USP7: variants seen among roughly 807,000 people sequenced by gnomAD.
The protein encoded by USP7 is ubiquitin specific peptidase 7, also known as ubiquitin C-terminal hydrolase 7.
USP7 carries 9 observed loss-of-function variants against 162.9 expected under a neutral mutation model. That is an observed-to-expected ratio of 0.06 (90% CI 0.03 to 0.10). USP7 has a LOEUF of 0.10. Among genes scored for constraint, USP7 ranks in the 10% least tolerant of loss-of-function variants. The probability of loss-of-function intolerance (pLI) is 1.00; values close to 1 mark genes in which losing one functional copy is unlikely to be tolerated. For synonymous variants in USP7, 562 were observed against 475.9 expected (o/e 1.18, Z -2.35); for missense variants, 715 against 1,373.7 (o/e 0.52, Z 7.58).
At chr16:8,919,165 G>A in intron 5 of USP7, 26 bp from the exon 6 acceptor site, 1 of 1,609,046 alleles carries the variant, frequency 6.2e-7, no homozygotes, top group East Asian at 2.2e-5. Flanking sequence ...AAGGTTGAGG[G>A]GATCTTGCAG....
chr16:8,911,799 C>G (rs963596395), intron 10 of USP7, among the ~76,000 whole-genome samples: 1 of 152,200 alleles, frequency 6.6e-6, no homozygotes, highest in Non-Finnish European at 1.5e-5. Context: ...TCAGTGAGAA[C>G]TGATCAGTGA....
At chr16:8,948,603 C>G (rs192735234) in intron 1 of USP7, among the ~76,000 whole-genome samples, 1 of 152,332 alleles carries the variant, frequency 6.6e-6, no homozygotes, top group Non-Finnish European at 1.5e-5. Context: ...ACCTGCACAT[C>G]TCTTTGCTAA....
At chr16:8,915,149 C>A (rs964877725) in intron 10 of USP7, 105 bp downstream of exon 10, 2 of 1,076,922 alleles carry the variant, frequency 1.9e-6, no homozygotes, top group Non-Finnish European at 2.6e-6. Context: ...CTGAGCCATT[C>A]TCTGTGTTTA....
intron 1 of USP7, among the ~76,000 whole-genome samples, chr16:8,955,491 G>C (rs1406306597): frequency 6.6e-6 from 1 of 152,144 alleles, no homozygotes; most frequent in Non-Finnish European, 1.5e-5. Context: ...GGGAGGCCGA[G>C]TGAGGCAGCT....
At chr16:8,904,319 C>A in intron 15 of USP7, 116 bp downstream of exon 15, 1 of 1,518,140 alleles carries the variant, frequency 6.6e-7, no homozygotes. Context: ...GAGATGGATG[C>A]CCTGCTGCAT....
chr16:8,952,092 A>G (rs565204493), intron 1 of USP7, among the ~76,000 whole-genome samples: 9 of 152,212 alleles, frequency 5.9e-5, no homozygotes, highest in Admixed American at 5.9e-4. Context: ...CCGTCTATAC[A>G]AAAAAGAAAA....
intron 1 of USP7, among the ~76,000 whole-genome samples, chr16:8,950,211 CCA>C (rs1171136158): frequency 1.3e-5 from 2 of 152,058 alleles, no homozygotes; most frequent in African/African-American, 4.8e-5. Context: ...CTAGTGGCTG[CCA>C]CAGTGGACAG....
chr16:8,920,494 T>A, intron 4 of USP7, 47 bp from the exon 5 acceptor site: 1 of 1,483,804 alleles, frequency 6.7e-7, no homozygotes, highest in Non-Finnish European at 9.2e-7. Flanking sequence ...GAACACACAT[T>A]TTATTCCCAA....
intron 6 of USP7, among the ~76,000 whole-genome samples, chr16:8,918,172 C>T (rs889735480): frequency 3.3e-5 from 5 of 152,160 alleles, no homozygotes; most frequent in South Asian, 2.1e-4. Context: ...ATTACCCATG[C>T]TGAGCTGTCC....
chr16:8,918,946 A>G, intron 6 of USP7, 85 bp downstream of exon 6: 1 of 1,351,746 alleles, frequency 7.4e-7, no homozygotes, highest in Non-Finnish European at 1.1e-6. Flanking sequence ...GGGAGACGCC[A>G]TGTTTGTTGA....
chr16:8,944,119 C>T (rs908975661), intron 1 of USP7, among the ~76,000 whole-genome samples: 10 of 152,092 alleles, frequency 6.6e-5, no homozygotes, highest in Non-Finnish European at 1.0e-4. Flanking sequence ...ATGGTAGTTC[C>T]CTCTGAGGAA....
intron 1 of USP7, chr16:8,936,709 C>T (rs1420456920): frequency 7.0e-7 from 1 of 1,430,766 alleles, no homozygotes; most frequent in East Asian, 2.7e-5. Flanking sequence ...AGCTCTACCT[C>T]AGCATTCTTT....
chr16:8,896,474 G>A (rs548299413), intron 26 of USP7, among the ~76,000 whole-genome samples: 15 of 152,222 alleles, frequency 9.9e-5, no homozygotes, highest in African/African-American at 3.4e-4. Context: ...TCCTCCAAGC[G>A]ACTACAGGGC....
intron 1 of USP7, among the ~76,000 whole-genome samples, chr16:8,958,471 T>C (rs1314337191): frequency 6.6e-6 from 1 of 152,194 alleles, no homozygotes; most frequent in East Asian, 1.9e-4. Context: ...GGCAGCAGCT[T>C]TCATAAAGTG....
chr16:8,916,629 T>G (rs1340617835), intron 7 of USP7, 73 bp from the exon 8 acceptor site: 2 of 1,433,360 alleles, frequency 1.4e-6, no homozygotes, highest in Non-Finnish European at 1.9e-6. Context: ...TAACTTAGAT[T>G]GAAAACCTAA....
intron 20 of USP7, 47 bp downstream of exon 20, chr16:8,900,943 C>G (rs2061764624): frequency 6.3e-7 from 1 of 1,590,306 alleles, no homozygotes; most frequent in Admixed American, 1.8e-5. Flanking sequence ...AAACCCTCCA[C>G]AAACTACTAA....
At chr16:8,956,776 C>A (rs909500736) in intron 1 of USP7, among the ~76,000 whole-genome samples, 59 of 147,716 alleles carry the variant, frequency 4.0e-4, no homozygotes, top group African/African-American at 1.2e-3. Flanking sequence ...AAAACAAAAA[C>A]AAAAAAAAAA....
intron 2 of USP7, among the ~76,000 whole-genome samples, chr16:8,928,982 A>C (rs1791592055): frequency 6.6e-6 from 1 of 151,616 alleles, no homozygotes; most frequent in African/African-American, 2.4e-5. Context: ...GAATTATCCA[A>C]GTTGCCATGA....
chr16:8,921,368 C>T (rs914001729), intron 3 of USP7, 73 bp from the exon 4 acceptor site: 3 of 1,517,712 alleles, frequency 2.0e-6, no homozygotes, highest in Admixed American at 3.9e-5. Flanking sequence ...AGACAGTAAA[C>T]ATAGCACACC....
Sources: gnomAD v4.1 joint callset for allele counts (sites outside exome capture counted in the v4.1 genomes callset) on GRCh38, gnomAD v4.1.1 for gene constraint, MANE v1.5 for transcripts, NCBI Gene and HGNC (gene_info 2026-07-23, HGNC 2026-07-21) for gene names.